STN1: variants seen among roughly 807,000 people sequenced by gnomAD.
STN1 encodes the protein STN1 subunit of CST complex.
Under a neutral mutation model 45.5 loss-of-function variants are expected in STN1, and 29 were observed. That is an observed-to-expected ratio of 0.64 (90% CI 0.47 to 0.87). The LOEUF (loss-of-function observed/expected upper bound fraction) is 0.87, where lower values mean the gene tolerates loss of function less well. Among genes scored for constraint, STN1 ranks in the 40% least tolerant of loss-of-function variants. STN1 has a pLI of 0.00. For synonymous variants in STN1, 148 were observed against 159.0 expected (o/e 0.93, Z 0.52); for missense variants, 376 against 441.4 (o/e 0.85, Z 1.33).
intron 2 of STN1, among the ~76,000 whole-genome samples, chr10:103,915,601 TTTTG>T (rs1843325735): frequency 6.6e-6 from 1 of 152,246 alleles, no homozygotes; most frequent in Admixed American, 6.5e-5. Context: ...GTCTTTGTTA[TTTTG>T]TTTAAGATAT....
intron 7 of STN1, among the ~76,000 whole-genome samples, chr10:103,895,066 T>A (rs1478243110): frequency 6.6e-6 from 1 of 152,234 alleles, no homozygotes; most frequent in Non-Finnish European, 1.5e-5. Flanking sequence ...GCACCTTTAG[T>A]CTCCCAGGAA....
In STN1 at chr10:103,892,951, C is replaced by T. The variant is rs573150409; in HGVS notation, c.754-699G>A. Among the ~76,000 whole-genome samples, 4 of 152,290 alleles carry T rather than the reference C, an allele frequency of 2.6e-5. No individual in the cohort carries two copies. In the East Asian group the frequency reaches 7.7e-4, roughly 29 times the overall value. ...GAGGAAGCTAGGCTATCAGCTATGTCCCCCCATGCTTGACCAGATGGGATG... is the reference window on the plus strand; with the variant it reads ...GAGGAAGCTAGGCTATCAGCTATGTTCCCCCATGCTTGACCAGATGGGATG... On this transcript the variant is annotated intron_variant, in intron 7 of 9. Transcript: ENST00000224950.
rs1375427966 is a variant in STN1 at position 103,879,399 on chromosome 10, G to C, written c.*3285C>G. 6.6e-6 allele frequency: 1 copy of C among 152,602 alleles called. No individual in the cohort carries two copies. Among genetic ancestry groups the C allele is most frequent in the Non-Finnish European group, 1.5e-5 (1 of 68,320 alleles). The allele number at this position is 152,602 out of a possible 1,614,324, so 9.5% of individuals were successfully genotyped here. On this transcript the variant is annotated 3_prime_UTR_variant, in exon 10 of 10. Coordinates refer to ENST00000224950, the MANE Select transcript of STN1 (RefSeq NM_024928.5). Reference sequence around the variant, plus strand: ...GTAGGAAAGGGAGTTCTGGGAAGGGGGACAGGAGATGGGTTGCAAACAGCG... The same window carrying C: ...GTAGGAAAGGGAGTTCTGGGAAGGGCGACAGGAGATGGGTTGCAAACAGCG...
intron 9 of STN1, among the ~76,000 whole-genome samples, chr10:103,885,586 G>T (rs755876328): frequency 3.9e-4 from 59 of 152,074 alleles, no homozygotes; most frequent in Non-Finnish European, 7.1e-4. Context: ...TTTATTTTTT[G>T]TAGAGACAGG....
Position 103,880,418 on chromosome 10 carries a change from A to G in STN1, c.*2266T>C, listed in dbSNP as rs1268468098. Among the ~76,000 whole-genome samples the G allele has an allele frequency of 6.6e-6, 1 of 152,208 alleles. No homozygotes were observed. Among genetic ancestry groups the G allele is most frequent in the African/African-American group, 2.4e-5 (1 of 41,446 alleles). ...TGGTGGGTTTCATCCAGGACCAGCA[A>G]TCTGGTCTTTTAGCCTTCAGGCTGA... On this transcript the variant is annotated 3_prime_UTR_variant, in exon 10 of 10. Coordinates refer to ENST00000224950, the MANE Select transcript of STN1 (RefSeq NM_024928.5).
chr10:103,915,976 C>T (rs955957536), intron 2 of STN1, among the ~76,000 whole-genome samples: 2 of 152,110 alleles, frequency 1.3e-5, no homozygotes, highest in Non-Finnish European at 2.9e-5. Flanking sequence ...GGATGTGGGG[C>T]TCAGGCAGTA....
chr10:103,911,141 A>C (rs1322308082), intron 2 of STN1, among the ~76,000 whole-genome samples: 1 of 152,050 alleles, frequency 6.6e-6, no homozygotes, highest in Non-Finnish European at 1.5e-5. Context: ...GGGCCAGGTT[A>C]CAACCCCAAA....
chr10:103,904,188 T>G (rs1843226874), intron 4 of STN1, among the ~76,000 whole-genome samples: 1 of 152,098 alleles, frequency 6.6e-6, no homozygotes, highest in Non-Finnish European at 1.5e-5. Flanking sequence ...AACCCCACTG[T>G]GTATGGCACT....
intron 6 of STN1, 100 bp from the exon 7 acceptor site, chr10:103,897,819 T>C (rs1843181376): frequency 8.4e-7 from 1 of 1,183,790 alleles, no homozygotes; most frequent in Non-Finnish European, 1.2e-6. Flanking sequence ...TGCAACACTA[T>C]ATTGGAGTTT....
rs772543285 is a variant in STN1, at chr10:103,917,553, G to A, written c.42C>T (p.Ser14=). 4 of 1,614,150 alleles carry A rather than the reference G, an allele frequency of 2.5e-6. No homozygotes were observed. In the Middle Eastern group the frequency reaches 4.9e-4, roughly 200 times the overall value. ...GSSRCEEETP[S]LLWGLDPVFL... Reference sequence around the variant, plus strand: ...ACACAGGATCCAAACCCCACAAGAGGGAAGGGGTCTCCTCTTCACACCGGC... The same window carrying A: ...ACACAGGATCCAAACCCCACAAGAGAGAAGGGGTCTCCTCTTCACACCGGC... Residue 14 remains serine, a synonymous_variant, in exon 2 of 10, where the codon TCC becomes TCT. Coordinates refer to ENST00000224950, the MANE Select transcript of STN1 (RefSeq NM_024928.5).
intron 4 of STN1, among the ~76,000 whole-genome samples, chr10:103,902,907 A>C (rs980887121): frequency 6.6e-6 from 1 of 152,214 alleles, no homozygotes; most frequent in African/African-American, 2.4e-5. Flanking sequence ...AAGGCTACCT[A>C]CTGTGATTGT....
rs537675363 is a variant in STN1 at position 103,917,905 on chromosome 10, A to G, written c.-63+195T>C. On this transcript the variant is annotated intron_variant, in intron 1 of 9. Coordinates refer to ENST00000224950, the MANE Select transcript of STN1 (RefSeq NM_024928.5). ...CCAACTTCGGAACGGCTAAACATCA[A>G]CTTTCACTCTGGGAAGATACGTCTG... Among the ~76,000 whole-genome samples the G allele has an allele frequency of 5.3e-5, 8 of 152,282 alleles. No homozygotes were observed. The East Asian group carries it at 1.2e-3, about 22-fold the overall frequency.
intron 4 of STN1, among the ~76,000 whole-genome samples, chr10:103,902,222 C>T (rs892757616): frequency 6.6e-6 from 1 of 152,110 alleles, no homozygotes; most frequent in African/African-American, 2.4e-5. Context: ...TCAGCATTAC[C>T]GCTGCTCAGA....
intron 6 of STN1, 77 bp downstream of exon 6, chr10:103,898,800 C>T (rs1843188129): frequency 1.9e-6 from 3 of 1,556,570 alleles, no homozygotes; most frequent in Non-Finnish European, 2.6e-6. Flanking sequence ...GAACCTAGGC[C>T]GATCCCAGCA....
At chr10:103,909,434 GTATATATATGTATATATGTATA>G (rs1843270203) in intron 3 of STN1, among the ~76,000 whole-genome samples, 2 of 56,892 alleles carry the variant, frequency 3.5e-5, no homozygotes, top group Admixed American at 4.4e-4. Context: ...GTATATATAT[GTATATATATGTATATATGTATA>G]TATGTATATA....
chr10:103,899,190 C>T (rs1843191068), intron 5 of STN1, among the ~76,000 whole-genome samples, 190 bp from the exon 6 acceptor site: 2 of 152,186 alleles, frequency 1.3e-5, no homozygotes, highest in African/African-American at 2.4e-5. Flanking sequence ...TGAGGGAATG[C>T]GATGCCCTAA....
intron 7 of STN1, among the ~76,000 whole-genome samples, chr10:103,895,538 G>A (rs1843165584): frequency 6.6e-6 from 1 of 152,204 alleles, no homozygotes; most frequent in South Asian, 2.1e-4. Context: ...CGCTGCAACT[G>A]TTTAGAAGCA....
Position 103,897,628 on chromosome 10 carries a change from A to G in STN1, c.673T>C (p.Tyr225His), listed in dbSNP as rs762370931. 5.6e-6 allele frequency: 9 copies of G among 1,614,084 alleles called. No individual in the cohort carries two copies. Among genetic ancestry groups the G allele is most frequent in the Non-Finnish European group, 7.6e-6 (9 of 1,180,008 alleles). Residue 225 changes from tyrosine to histidine, a missense_variant, in exon 7 of 10, where the codon TAC becomes CAC. Tyr to His is a moderately conservative substitution (Grantham distance 83, BLOSUM62 2). Coordinates refer to ENST00000224950, the MANE Select transcript of STN1 (RefSeq NM_024928.5). ...FLMENRVQSF[Y>H]QQELEMVESL... ...TCCACCATTTCCAGCTCCTGCTGGT[A>G]AAAGCTCTGCACTCTGTTCTCCATG...
chr10:103,912,385 C>T (rs547908444), intron 2 of STN1, among the ~76,000 whole-genome samples: 27 of 152,272 alleles, frequency 1.8e-4, no homozygotes, highest in Middle Eastern at 3.4e-3. Context: ...CAAGTTCTCA[C>T]AATTGAAACT....
Sources: gnomAD v4.1 joint callset for allele counts (sites outside exome capture counted in the v4.1 genomes callset) on GRCh38, gnomAD v4.1.1 for gene constraint, MANE v1.5 for transcripts, NCBI Gene and HGNC (gene_info 2026-07-23, HGNC 2026-07-21) for gene names.